SEC22A: variants seen among roughly 807,000 people sequenced by gnomAD.
SEC22A encodes the protein vesicle-trafficking protein SEC22a.
In SEC22A, 22 loss-of-function variants were observed where a neutral mutation model predicts 35.3. That is an observed-to-expected ratio of 0.62 (90% CI 0.45 to 0.89). The LOEUF is 0.89. Ranked by LOEUF, SEC22A falls within the 40% of genes least tolerant of loss-of-function variation. The pLI is 0.00. For synonymous variants in SEC22A, 119 were observed against 129.5 expected, an observed-to-expected ratio of 0.92 and a Z score of 0.55; for missense variants, 354 against 362.5, an observed-to-expected ratio of 0.98 and a Z score of 0.19.
intron 1 of SEC22A, among the ~76,000 whole-genome samples, chr3:123,203,064 T>C (rs1936781987): frequency 1.6e-5 from 2 of 121,270 alleles, no homozygotes; most frequent in African/African-American, 6.2e-5. Context: ...TTTTTTTTTT[T>C]TTTTTTTTTT....
chr3:123,265,955 TAA>T (rs1244770938), intron 6 of SEC22A, among the ~76,000 whole-genome samples: 4 of 152,234 alleles, frequency 2.6e-5, no homozygotes, highest in Non-Finnish European at 4.4e-5. Flanking sequence ...AGCCGTATAA[TAA>T]GTCATAAATT....
chr3:123,233,668 C>T (rs1056857118), intron 4 of SEC22A, among the ~76,000 whole-genome samples: 1 of 148,084 alleles, frequency 6.8e-6, no homozygotes, highest in Non-Finnish European at 1.5e-5. Context: ...AAAAAACACT[C>T]AACAAACTAG....
intron 4 of SEC22A, among the ~76,000 whole-genome samples, chr3:123,234,004 G>T (rs906930741): frequency 5.3e-5 from 8 of 152,154 alleles, no homozygotes; most frequent in African/African-American, 1.9e-4. Flanking sequence ...AGTTCAGTGA[G>T]GTTGCAGGAT....
chr3:123,254,328 A>C (rs1312598329), intron 5 of SEC22A, among the ~76,000 whole-genome samples: 1 of 152,114 alleles, frequency 6.6e-6, no homozygotes, highest in Non-Finnish European at 1.5e-5. Flanking sequence ...ACCCATCCTC[A>C]TCTTTAAAAG....
At chr3:123,232,094 G>T (rs1937335237) in intron 4 of SEC22A, among the ~76,000 whole-genome samples, 1 of 152,076 alleles carries the variant, frequency 6.6e-6, no homozygotes, top group Non-Finnish European at 1.5e-5. Flanking sequence ...CAAAAAATTA[G>T]CTGAGCATGG....
chr3:123,211,571 A>G (rs144436200), intron 2 of SEC22A, among the ~76,000 whole-genome samples: 3 of 152,102 alleles, frequency 2.0e-5, no homozygotes, highest in Non-Finnish European at 4.4e-5. Context: ...TGATCCTCCC[A>G]CTTCAGCCTC....
intron 1 of SEC22A, among the ~76,000 whole-genome samples, chr3:123,203,713 A>C (rs1235742683): frequency 2.6e-5 from 4 of 152,136 alleles, no homozygotes; most frequent in Non-Finnish European, 5.9e-5. Flanking sequence ...GATACTAGAA[A>C]CTTAGACCGA....
At chr3:123,204,039 C>A (rs191629228) in intron 1 of SEC22A, among the ~76,000 whole-genome samples, 386 of 152,268 alleles carry the variant, frequency 2.5e-3, no homozygotes, top group Non-Finnish European at 3.9e-3. Flanking sequence ...TATCCCCCAC[C>A]CTCAGCGAGC....
At chr3:123,249,535 A>G (rs762029859) in intron 5 of SEC22A, among the ~76,000 whole-genome samples, 5 of 151,904 alleles carry the variant, frequency 3.3e-5, no homozygotes, top group Non-Finnish European at 5.9e-5. Flanking sequence ...ATATGTATAT[A>G]TGTATTTGAG....
Position 123,271,765 on chromosome 3 carries a change from G to T in SEC22A, c.*43G>T. 1 of 1,512,084 alleles carries T rather than the reference G, an allele frequency of 6.6e-7. No individual in the cohort carries two copies. Among genetic ancestry groups the T allele is most frequent in the Non-Finnish European group, 9.2e-7 (1 of 1,090,112 alleles). 93.7% of individuals were successfully genotyped at this position (1,512,084 alleles called of 1,614,324 possible). On this transcript the variant is annotated 3_prime_UTR_variant, in exon 7 of 7. Transcript: ENST00000492595. ...ATTGCCTTGGCTTCAGGGGGATAAG[G>T]AGGGAACATATCATAACTGCACTGT...
chr3:123,243,028 GAATTGTATACTATC>G (rs1937538306), intron 4 of SEC22A, among the ~76,000 whole-genome samples: 1 of 151,896 alleles, frequency 6.6e-6, no homozygotes, highest in African/African-American at 2.4e-5. Flanking sequence ...TCTTAGCCTA[GAATTGTATACTATC>G]AATTTGTGTC....
chr3:123,242,553 G>A (rs1182392312), intron 4 of SEC22A, among the ~76,000 whole-genome samples: 1 of 149,810 alleles, frequency 6.7e-6, no homozygotes, highest in East Asian at 2.0e-4. Flanking sequence ...CAAGCACTCA[G>A]ATTCCCATTT....
At chr3:123,221,667 G>T (rs1937127001) in intron 2 of SEC22A, among the ~76,000 whole-genome samples, 2 of 151,562 alleles carry the variant, frequency 1.3e-5, no homozygotes, top group Non-Finnish European at 2.9e-5. Context: ...TATTATAGTG[G>T]GGTATATACT....
intron 5 of SEC22A, among the ~76,000 whole-genome samples, chr3:123,255,773 G>T (rs569692301): frequency 1.6e-4 from 24 of 152,058 alleles, no homozygotes; most frequent in African/African-American, 5.5e-4. Context: ...TTTAGTGGCC[G>T]CATGACTTTT....
At chr3:123,267,710 C>G (rs1938057536) in intron 6 of SEC22A, among the ~76,000 whole-genome samples, 1 of 152,038 alleles carries the variant, frequency 6.6e-6, no homozygotes, top group South Asian at 2.1e-4. Flanking sequence ...TGTTTTCTTT[C>G]TATTTAGAGA....
chr3:123,214,195 A>AAAAT (rs1171425959), intron 2 of SEC22A, among the ~76,000 whole-genome samples: 4 of 152,112 alleles, frequency 2.6e-5, no homozygotes, highest in East Asian at 3.8e-4. Flanking sequence ...ACTCTGCCTC[A>AAAAT]AAATAAATAA....
At chr3:123,206,489 A>G (rs1279694251) in intron 1 of SEC22A, among the ~76,000 whole-genome samples, 2 of 152,250 alleles carry the variant, frequency 1.3e-5, no homozygotes, top group Non-Finnish European at 1.5e-5. Flanking sequence ...CAACAGTTTT[A>G]TAGTTAAATA....
At chr3:123,263,864 C>T (rs1201146422) in intron 6 of SEC22A, among the ~76,000 whole-genome samples, 1 of 151,414 alleles carries the variant, frequency 6.6e-6, no homozygotes, top group African/African-American at 2.4e-5. Context: ...TTATTTGTTG[C>T]TTTTTATTGC....
rs200139005 is a variant in SEC22A, at chr3:123,241,949, GAA to G, written c.542-3936_542-3935del. Among the ~76,000 whole-genome samples, 110 of 144,954 alleles carry G rather than the reference GAA, an allele frequency of 7.6e-4. 1 individual carries two copies. Among genetic ancestry groups the G allele is most frequent in the East Asian group, 2.2e-3 (11 of 4,956 alleles). ...TAAAAAGCCCTCAACCACTTTTCTG[GAA>G]AAAAAAAAAAAAATTTTAAGGAGAA... On this transcript the variant is annotated intron_variant, in intron 4 of 6. Coordinates refer to ENST00000492595, the MANE Select transcript of SEC22A (RefSeq NM_012430.5).
Sources: gnomAD v4.1 joint callset for allele counts (sites outside exome capture counted in the v4.1 genomes callset) on GRCh38, gnomAD v4.1.1 for gene constraint, MANE v1.5 for transcripts, NCBI Gene and HGNC (gene_info 2026-07-23, HGNC 2026-07-21) for gene names.